Variants in SF3A3 observed in about 807,000 individuals in gnomAD.
SF3A3 encodes splicing factor 3a subunit 3.
A neutral mutation model predicts 85.8 loss-of-function variants in SF3A3; 9 were observed. The observed-to-expected ratio is 0.10, with a 90% CI of 0.06 to 0.18. The LOEUF is 0.18. SF3A3 is among the 10% of genes least tolerant of loss of function. The pLI, the probability that SF3A3 is intolerant of heterozygous loss-of-function variation, is 1.00. For synonymous variants in SF3A3, 195 were observed against 204.4 expected (o/e 0.95, Z 0.39); for missense variants, 306 against 593.3 (o/e 0.52, Z 5.03).
chr1:37,970,391 C>T (rs1204115782), intron 12 of SF3A3, among the ~76,000 whole-genome samples: 1 of 151,736 alleles, frequency 6.6e-6, no homozygotes, highest in Non-Finnish European at 1.5e-5. Context: ...GAGACTTAGA[C>T]TCCCACACAA....
At chr1:37,977,192 G>A (rs537321501) in intron 11 of SF3A3, among the ~76,000 whole-genome samples, 2 of 152,298 alleles carry the variant, frequency 1.3e-5, no homozygotes, top group South Asian at 4.1e-4. Flanking sequence ...GACACATCAA[G>A]ACCGCTTACA....
chr1:37,959,070 A>AT (rs1646238815), intron 16 of SF3A3, among the ~76,000 whole-genome samples: 3 of 148,236 alleles, frequency 2.0e-5, no homozygotes, highest in South Asian at 2.1e-4. Flanking sequence ...TGCCATTTCA[A>AT]CTTTTTTTTC....
chr1:37,985,108 G>A (rs932301363), intron 4 of SF3A3, among the ~76,000 whole-genome samples: 16 of 152,130 alleles, frequency 1.1e-4, no homozygotes, highest in Admixed American at 1.0e-3. Context: ...GTGCCTGACC[G>A]CAGGCGGATT....
intron 2 of SF3A3, 79 bp from the exon 3 acceptor site, chr1:37,987,915 G>A: frequency 8.3e-7 from 1 of 1,197,674 alleles, no homozygotes; most frequent in South Asian, 1.2e-5. Flanking sequence ...GGGTTCTCCA[G>A]TCAAAGCCCA....
intron 16 of SF3A3, among the ~76,000 whole-genome samples, chr1:37,959,619 C>T (rs1646243248): frequency 6.6e-6 from 1 of 152,038 alleles, no homozygotes; most frequent in South Asian, 2.1e-4. Flanking sequence ...TGCTCTGTCA[C>T]CCAGGCTGGA....
chr1:37,958,576 T>A lies in SF3A3; in HGVS notation c.1429-313A>T, dbSNP rs183815373. Among the ~76,000 whole-genome samples, 4 of 152,302 alleles carry A rather than the reference T, an allele frequency of 2.6e-5. No homozygotes were observed. The South Asian group carries it at 6.2e-4, about 24-fold the overall frequency. On this transcript the variant is annotated intron_variant, in intron 16 of 16. Transcript: ENST00000373019. ...CTATGTTTAAGATGGGGAACCCTGG[T>A]TGAGAAAGGCTGACCTACAACAGCA...
chr1:37,974,818 A>C (rs914939776), intron 12 of SF3A3, among the ~76,000 whole-genome samples: 15 of 152,184 alleles, frequency 9.9e-5, no homozygotes, highest in African/African-American at 2.9e-4. Context: ...CTCCCTCATA[A>C]GCCATATTCC....
chr1:37,958,459 G>A (rs1465032757), intron 16 of SF3A3, among the ~76,000 whole-genome samples, 196 bp from the exon 17 acceptor site: 3 of 152,188 alleles, frequency 2.0e-5, no homozygotes, highest in Non-Finnish European at 4.4e-5. Context: ...CAGCCACCGT[G>A]TGCAATGAAT....
intron 15 of SF3A3, among the ~76,000 whole-genome samples, chr1:37,962,449 C>A (rs1646267812): frequency 6.6e-6 from 1 of 150,862 alleles, no homozygotes; most frequent in African/African-American, 2.4e-5. Context: ...AATAAAAATG[C>A]AAAATTAACT....
chr1:37,980,768 A>G (rs759604480), intron 7 of SF3A3, 44 bp from the exon 8 acceptor site: 2 of 1,497,432 alleles, frequency 1.3e-6, no homozygotes, highest in South Asian at 1.3e-5. Flanking sequence ...AAGGGTTTCT[A>G]TTTTTGGTAT....
chr1:37,969,473 G>GA lies in SF3A3; in HGVS notation c.1171-10dup, dbSNP rs747997132. 478 of 1,612,790 alleles carry GA rather than the reference G, an allele frequency of 3.0e-4. No homozygotes were observed. The highest frequency in any genetic ancestry group is 4.7e-4 in the African/African-American group (35 of 74,938). ...AGCCAGTAGGGAATAGGCTAAAAAA[G>GA]AAAAAAACAAAACAAAACCAAGAAG... On this transcript the variant is annotated splice_polypyrimidine_tract_variant and intron_variant, in intron 13 of 16. Coordinates refer to ENST00000373019, the MANE Select transcript of SF3A3 (RefSeq NM_006802.4).
At chr1:37,972,603 C>T (rs546208963) in intron 12 of SF3A3, among the ~76,000 whole-genome samples, 38 of 152,270 alleles carry the variant, frequency 2.5e-4, no homozygotes, top group Admixed American at 5.9e-4. Flanking sequence ...GGAGGCATCA[C>T]GCTATCTGAC....
chr1:37,970,022 T>C (rs1005528157), intron 12 of SF3A3, among the ~76,000 whole-genome samples: 1 of 152,194 alleles, frequency 6.6e-6, no homozygotes, highest in African/African-American at 2.4e-5. Context: ...AAATATTTCC[T>C]GGCTGGGTGT....
At chr1:37,984,854 C>A in intron 4 of SF3A3, 75 bp from the exon 5 acceptor site, 2 of 1,174,022 alleles carry the variant, frequency 1.7e-6, no homozygotes, top group Non-Finnish European at 2.5e-6. Flanking sequence ...GTGGCCCAGG[C>A]TGGAGTGCAC....
chr1:37,990,017 ACTCCTGC>A (rs1181079408), exon 1 of SF3A3: 5 of 1,374,934 alleles, frequency 3.6e-6, no homozygotes, highest in Admixed American at 6.8e-5. Flanking sequence ...GCCGGAAGCA[ACTCCTGC>A]CGCCCAGCGC....
chr1:37,967,277 C>T (rs991463737), intron 15 of SF3A3, among the ~76,000 whole-genome samples: 1 of 146,624 alleles, frequency 6.8e-6, no homozygotes, highest in Non-Finnish European at 1.5e-5. Flanking sequence ...GGCATGGTGG[C>T]TCACGCCTAT....
Position 37,980,873 on chromosome 1 carries a change from G to T in SF3A3, c.552-149C>A, listed in dbSNP as rs116733931. The T allele has an allele frequency of 4.3e-3, 2,143 of 495,700 alleles. 52 individuals are homozygous for T. In the African/African-American group the frequency reaches 0.054, roughly 13 times the overall value. The allele number at this position is 495,700 out of a possible 1,614,324, so 30.7% of individuals were successfully genotyped here. A position where few individuals can be genotyped will look rare whatever the true frequency, so the allele number is the denominator to read the frequency against. On this transcript the variant is annotated intron_variant, in intron 7 of 16. Coordinates refer to ENST00000373019, the MANE Select transcript of SF3A3 (RefSeq NM_006802.4). ...TTTTTTTTTTTTTTTTTTTGAGGCA[G>T]AGTTTCGCTCCTCTTACCCAGGCTG... is the stretch of plus-strand genomic sequence containing the variant.
chr1:37,976,827 C>G, intron 12 of SF3A3, 57 bp downstream of exon 12: 1 of 1,067,556 alleles, frequency 9.4e-7, no homozygotes, highest in Non-Finnish European at 1.5e-6. Flanking sequence ...GTGAGTTCCT[C>G]TCCCTTTAAC....
At chr1:37,987,725 C>A (rs1646466312) in intron 3 of SF3A3, 47 bp from the exon 4 acceptor site, 1 of 1,598,660 alleles carries the variant, frequency 6.3e-7, no homozygotes, top group Non-Finnish European at 8.6e-7. Context: ...CAAAGTCAGT[C>A]CTCTAACCAT....
Sources: allele counts gnomAD v4.1 joint callset (sites outside exome capture counted in the v4.1 genomes callset), GRCh38; gene constraint gnomAD v4.1.1; transcripts MANE v1.5; gene names NCBI Gene and HGNC (gene_info 2026-07-23, HGNC 2026-07-21).